The following KHDRBS3 variants were observed in gnomAD, a reference collection of about 807,000 sequenced individuals.
The protein encoded by KHDRBS3 is KH domain-containing, RNA-binding, signal transduction-associated protein 3.
KHDRBS3 carries 23 observed loss-of-function variants against 45.6 expected under a neutral mutation model. The observed-to-expected ratio is 0.50, with a 90% confidence interval of 0.36 to 0.72. The LOEUF (loss-of-function observed/expected upper bound fraction) is 0.72, where lower values mean the gene tolerates loss of function less well. Among genes scored for constraint, KHDRBS3 ranks in the 30% least tolerant of loss-of-function variants. The pLI, the probability that KHDRBS3 is intolerant of heterozygous loss-of-function variation, is 0.00. For synonymous variants in KHDRBS3, 162 were observed against 156.5 expected (o/e 1.04, Z -0.26); for missense variants, 352 against 424.8 (o/e 0.83, Z 1.51).
At chr8:135,596,733 T>C (rs368187562) in intron 6 of KHDRBS3, among the ~76,000 whole-genome samples, 8 of 152,136 alleles carry the variant, frequency 5.3e-5, no homozygotes, top group African/African-American at 1.9e-4. Context: ...CTGGAATGTA[T>C]AGAAAAATAG....
At chr8:135,606,700 G>T (rs1363954097) in intron 6 of KHDRBS3, among the ~76,000 whole-genome samples, 1 of 152,122 alleles carries the variant, frequency 6.6e-6, no homozygotes, top group African/African-American at 2.4e-5. Context: ...GTTTTCTAGA[G>T]CTCTGCAATC....
chr8:135,541,569 A>G (rs923808456), intron 2 of KHDRBS3: 3 of 152,174 alleles, frequency 2.0e-5, no homozygotes, highest in South Asian at 4.1e-4. Flanking sequence ...AATTACTTCA[A>G]TTGCCATAGT....
intron 6 of KHDRBS3, among the ~76,000 whole-genome samples, chr8:135,605,979 G>T (rs907961014): frequency 1.3e-5 from 2 of 151,846 alleles, no homozygotes; most frequent in South Asian, 2.1e-4. Flanking sequence ...TTTTTCCATG[G>T]TTTCTTGTTT....
At chr8:135,568,026 A>G (rs984613475) in intron 5 of KHDRBS3, among the ~76,000 whole-genome samples, 2 of 152,212 alleles carry the variant, frequency 1.3e-5, no homozygotes, top group East Asian at 1.9e-4. Context: ...CAATATTACA[A>G]GTTTCCCCTG....
At chr8:135,618,192 A>T (rs1829995384) in intron 7 of KHDRBS3, among the ~76,000 whole-genome samples, 2 of 152,346 alleles carry the variant, frequency 1.3e-5, no homozygotes, top group South Asian at 4.1e-4. Flanking sequence ...TTTTTGCAAT[A>T]AGTGCCTGAA....
intron 3 of KHDRBS3, among the ~76,000 whole-genome samples, chr8:135,543,790 A>G (rs1826157485): frequency 6.6e-6 from 1 of 152,184 alleles, no homozygotes; most frequent in South Asian, 2.1e-4. Context: ...CAGTTAATAA[A>G]ACCATGGTTT....
chr8:135,608,548 G>A (rs940891300), intron 7 of KHDRBS3, among the ~76,000 whole-genome samples: 2 of 152,186 alleles, frequency 1.3e-5, no homozygotes, highest in African/African-American at 4.8e-5. Flanking sequence ...GCTTGTGACC[G>A]AACAGCTGAT....
chr8:135,471,448 T>C (rs994366482), intron 1 of KHDRBS3, among the ~76,000 whole-genome samples: 1 of 152,222 alleles, frequency 6.6e-6, no homozygotes, highest in Non-Finnish European at 1.5e-5. Context: ...CTGGGCTAAG[T>C]GCTGGGATGC....
At chr8:135,558,645 T>A (rs867223519) in intron 5 of KHDRBS3, among the ~76,000 whole-genome samples, 1 of 152,174 alleles carries the variant, frequency 6.6e-6, no homozygotes, top group Non-Finnish European at 1.5e-5. Context: ...TATGAGATAA[T>A]TTATGTAGGT....
At chr8:135,548,646 G>A (rs1826429875) in intron 3 of KHDRBS3, 108 bp from the exon 4 acceptor site, 1 of 897,722 alleles carries the variant, frequency 1.1e-6, no homozygotes, top group Non-Finnish European at 1.6e-6. Flanking sequence ...CCGCTTGCCA[G>A]ATGGATTGTT....
intron 1 of KHDRBS3, among the ~76,000 whole-genome samples, chr8:135,515,945 G>A (rs990059881): frequency 6.6e-6 from 1 of 152,180 alleles, no homozygotes; most frequent in Admixed American, 6.5e-5. Context: ...TGTGTTCTGA[G>A]GAATGCATCC....
chr8:135,468,856 A>G (rs1407736304), intron 1 of KHDRBS3, among the ~76,000 whole-genome samples: 1 of 152,218 alleles, frequency 6.6e-6, no homozygotes, highest in East Asian at 1.9e-4. Context: ...TGACTTGTCA[A>G]TTTGTTCAGG....
intron 2 of KHDRBS3, among the ~76,000 whole-genome samples, chr8:135,529,901 A>AG (rs1825383054): frequency 6.6e-6 from 1 of 151,936 alleles, no homozygotes; most frequent in Non-Finnish European, 1.5e-5. Context: ...ACAAAAAAAA[A>AG]TTAGCCAGGC....
chr8:135,594,166 A>G (rs4909489), intron 6 of KHDRBS3, among the ~76,000 whole-genome samples: 1 of 152,194 alleles, frequency 6.6e-6, no homozygotes, highest in Non-Finnish European at 1.5e-5. Flanking sequence ...GATGTGGAAT[A>G]AGGACTATAG....
At chr8:135,458,693 G>A (rs1821256046) in intron 1 of KHDRBS3, 1 of 365,974 alleles carries the variant, frequency 2.7e-6, no homozygotes, top group Non-Finnish European at 5.4e-6. Flanking sequence ...AGGGCGTTGG[G>A]TTGGGTGACC....
intron 5 of KHDRBS3, among the ~76,000 whole-genome samples, chr8:135,578,827 A>G (rs557699191): frequency 6.6e-6 from 1 of 152,326 alleles, no homozygotes; most frequent in African/African-American, 2.4e-5. Context: ...AGTCTTAACA[A>G]TGTTATGACC....
At chr8:135,622,993 C>A (rs1830209961) in intron 7 of KHDRBS3, among the ~76,000 whole-genome samples, 1 of 152,196 alleles carries the variant, frequency 6.6e-6, no homozygotes, top group Non-Finnish European at 1.5e-5. Context: ...TTTCTACTCT[C>A]CAGACCTTCC....
At chr8:135,644,358 T>C (rs538941450) in intron 7 of KHDRBS3, among the ~76,000 whole-genome samples, 101 of 152,308 alleles carry the variant, frequency 6.6e-4, no homozygotes, top group Non-Finnish European at 1.3e-3. Context: ...CTTGGCCTCA[T>C]GTAACCAGAC....
At chr8:135,460,168 T>A (rs1821359281) in intron 1 of KHDRBS3, among the ~76,000 whole-genome samples, 1 of 152,252 alleles carries the variant, frequency 6.6e-6, no homozygotes, top group African/African-American at 2.4e-5. Context: ...TATGGGCTAT[T>A]TTTTCTTATT....
Sources: gnomAD v4.1 joint callset for allele counts (sites outside exome capture counted in the v4.1 genomes callset) on GRCh38, gnomAD v4.1.1 for gene constraint, MANE v1.5 for transcripts, NCBI Gene and HGNC (gene_info 2026-07-23, HGNC 2026-07-21) for gene names.